ABTB3: variants seen among roughly 807,000 people sequenced by gnomAD.
ABTB3 encodes ankyrin repeat and BTB domain containing 3.
At chr12:107,370,295 C>T in the ABTB3 span, among the ~76,000 whole-genome samples, 11 of 152,354 alleles carry the variant, frequency 7.2e-5, 1 homozygote, top group East Asian at 7.7e-4. Context: ...CATGTCGGTT[C>T]GTGGAAGCTT....
At chr12:107,644,990 T>TTTTTTTG in the ABTB3 span, among the ~76,000 whole-genome samples, 1 of 143,748 alleles carries the variant, frequency 7.0e-6, no homozygotes. Flanking sequence ...TTTTTTTTTT[T>TTTTTTTG]GAGAAGAGTT....
the ABTB3 span, among the ~76,000 whole-genome samples, chr12:107,510,002 G>T: frequency 6.6e-6 from 1 of 152,098 alleles, no homozygotes; most frequent in South Asian, 2.1e-4. Flanking sequence ...TAGCCTCCCA[G>T]CCATGCTAGG....
the ABTB3 span, among the ~76,000 whole-genome samples, chr12:107,636,662 T>C: frequency 1.3e-5 from 2 of 152,230 alleles, no homozygotes; most frequent in Non-Finnish European, 2.9e-5. Context: ...TTTCTGACCA[T>C]GTGTAGAGGA....
At chr12:107,380,179 G>A in the ABTB3 span, among the ~76,000 whole-genome samples, 4 of 152,298 alleles carry the variant, frequency 2.6e-5, no homozygotes, top group East Asian at 1.9e-4. Context: ...CAGTGTTTAC[G>A]AATGGGTGTC....
the ABTB3 span, among the ~76,000 whole-genome samples, chr12:107,589,624 A>G: frequency 6.6e-6 from 1 of 152,264 alleles, no homozygotes; most frequent in African/African-American, 2.4e-5. Context: ...CAGATGGGAA[A>G]CGTGGTCCCT....
the ABTB3 span, among the ~76,000 whole-genome samples, chr12:107,567,858 T>C: frequency 6.6e-6 from 1 of 152,170 alleles, no homozygotes; most frequent in Admixed American, 6.5e-5. Flanking sequence ...CCCCAGTCTG[T>C]GGAAAAACTA....
At chr12:107,501,829 T>G in the ABTB3 span, among the ~76,000 whole-genome samples, 35 of 152,270 alleles carry the variant, frequency 2.3e-4, no homozygotes, top group South Asian at 5.8e-3. Flanking sequence ...CACGGAGCCC[T>G]GAATCATTTG....
At chr12:107,455,116 C>G in the ABTB3 span, among the ~76,000 whole-genome samples, 1 of 152,330 alleles carries the variant, frequency 6.6e-6, no homozygotes, top group Non-Finnish European at 1.5e-5. Context: ...TGGAAGAGGA[C>G]AGTGGGGTCA....
At chr12:107,592,514 T>C in the ABTB3 span, among the ~76,000 whole-genome samples, 4 of 152,184 alleles carry the variant, frequency 2.6e-5, no homozygotes, top group East Asian at 1.9e-4. Flanking sequence ...AAATAAATTA[T>C]ACTGTGTTGT....
the ABTB3 span, among the ~76,000 whole-genome samples, chr12:107,492,763 T>A: frequency 0.26 from 38,856 of 151,836 alleles, 5,607 homozygotes; most frequent in African/African-American, 0.39. Context: ...AAAAAAACAG[T>A]GTCTCAGTGA....
At chr12:107,434,193 T>A in the ABTB3 span, among the ~76,000 whole-genome samples, 1 of 152,204 alleles carries the variant, frequency 6.6e-6, no homozygotes. Flanking sequence ...GTCTCAGAGT[T>A]ATCCCACCTG....
At chr12:107,642,086 TC>T in the ABTB3 span, 22 of 1,613,182 alleles carry the variant, frequency 1.4e-5, no homozygotes, top group Non-Finnish European at 1.9e-5. Flanking sequence ...ATGTCCTTGT[TC>T]AGGTTCAAAG....
the ABTB3 span, among the ~76,000 whole-genome samples, chr12:107,469,880 TTCTTTC>T: frequency 7.3e-5 from 7 of 96,220 alleles, no homozygotes; most frequent in African/African-American, 3.9e-4. Context: ...CTTTCTTTCT[TTCTTTC>T]TTTCTTTCTT....
the ABTB3 span, among the ~76,000 whole-genome samples, chr12:107,532,987 AT>A: frequency 7.2e-5 from 11 of 152,214 alleles, no homozygotes; most frequent in African/African-American, 2.7e-4. Context: ...AACTGAGGGA[AT>A]TTACCACCTC....
the ABTB3 span, among the ~76,000 whole-genome samples, chr12:107,578,588 G>A: frequency 2.6e-5 from 4 of 151,762 alleles, no homozygotes; most frequent in Non-Finnish European, 4.4e-5. Context: ...GAGGGGAGGC[G>A]CCTCTGAAAC....
At chr12:107,657,501 C>G in the ABTB3 span, 1 of 1,613,134 alleles carries the variant, frequency 6.2e-7, no homozygotes, top group Non-Finnish European at 8.5e-7. Flanking sequence ...CCTCTCCACT[C>G]TCCACAGTTT....
the ABTB3 span, among the ~76,000 whole-genome samples, chr12:107,612,576 G>A: frequency 1.2e-4 from 19 of 152,244 alleles, no homozygotes; most frequent in African/African-American, 3.9e-4. Context: ...AAAAGGCCGA[G>A]GAGGCTCCTT....
At chr12:107,479,651 C>T in the ABTB3 span, among the ~76,000 whole-genome samples, 1 of 152,038 alleles carries the variant, frequency 6.6e-6, no homozygotes, top group Non-Finnish European at 1.5e-5. Context: ...CACCTTAGCC[C>T]TATGTGACCA....
the ABTB3 span, among the ~76,000 whole-genome samples, chr12:107,543,517 A>G: frequency 1.3e-5 from 2 of 152,096 alleles, no homozygotes; most frequent in African/African-American, 4.8e-5. Flanking sequence ...GACAGAGGGA[A>G]TAGCATATGT....
Sources: allele counts gnomAD v4.1 joint callset (sites outside exome capture counted in the v4.1 genomes callset), GRCh38; gene constraint gnomAD v4.1.1; transcripts MANE v1.5; gene names NCBI Gene and HGNC (gene_info 2026-07-23, HGNC 2026-07-21).